GRIA4: variants seen among roughly 807,000 people sequenced by gnomAD.
The protein encoded by GRIA4 is glutamate receptor 4.
GRIA4 carries 34 observed loss-of-function variants against 104.0 expected under a neutral mutation model. The ratio of observed to expected loss-of-function variants is 0.33; its 90% CI spans 0.25 to 0.44. The LOEUF (loss-of-function observed/expected upper bound fraction) is 0.44, where lower values mean the gene tolerates loss of function less well. Among genes scored for constraint, GRIA4 ranks in the 20% least tolerant of loss-of-function variants. GRIA4 has a pLI of 1.00. For synonymous variants in GRIA4, 386 were observed against 381.9 expected (o/e 1.01, Z -0.13); for missense variants, 750 against 1,096.5 (o/e 0.68, Z 4.46).
At chr11:105,681,087 G>C (rs1952695164) in intron 3 of GRIA4, among the ~76,000 whole-genome samples, 1 of 152,180 alleles carries the variant, frequency 6.6e-6, no homozygotes, top group South Asian at 2.1e-4. Context: ...GGAGTCTCCA[G>C]TGAGACCTGA....
chr11:105,950,608 T>C (rs1202852097), intron 14 of GRIA4, among the ~76,000 whole-genome samples: 1 of 152,202 alleles, frequency 6.6e-6, no homozygotes, highest in Non-Finnish European at 1.5e-5. Flanking sequence ...AATCAAGTCA[T>C]TTCATATAGA....
intron 3 of GRIA4, among the ~76,000 whole-genome samples, chr11:105,708,900 G>A (rs1267067892): frequency 6.6e-6 from 1 of 152,054 alleles, no homozygotes; most frequent in Non-Finnish European, 1.5e-5. Flanking sequence ...TGAAGTAAAT[G>A]TAGTAAATGA....
Position 105,974,304 on chromosome 11 carries a change from C to T in GRIA4, c.2410-6C>T, listed in dbSNP as rs1246319057. ...CAGTTAACTGAAGTGTCTTTATCCC[C>T]CCTAGGACAAGACGAGTGCCTTGAG... On this transcript the variant is annotated splice_region_variant and splice_polypyrimidine_tract_variant and intron_variant, in intron 15 of 16. Coordinates refer to ENST00000282499, the MANE Select transcript of GRIA4 (RefSeq NM_000829.4). The T allele has an allele frequency of 1.2e-6, 2 of 1,613,360 alleles. No homozygotes were observed. Among genetic ancestry groups the T allele is most frequent in the Non-Finnish European group, 1.7e-6 (2 of 1,179,480 alleles).
At position 105,787,472 on chromosome 11, in the gene GRIA4, C is replaced by CTTTTTT. The variant is rs67901321; in HGVS notation, c.487+34268_487+34273dup. On this transcript the variant is annotated intron_variant, in intron 4 of 16. Transcript: ENST00000282499. ...GCAGTCTAAAAGATGTAAAGAATTC[C>CTTTTTT]TTTTTTTTTTTTTTTTTTTTTGAGA... Among the ~76,000 whole-genome samples the CTTTTTT allele has an allele frequency of 2.4e-4, 24 of 98,614 alleles. 1 individual carries two copies. Among genetic ancestry groups the CTTTTTT allele is most frequent in the African/African-American group, 6.0e-4 (15 of 24,902 alleles). The allele number at this position is 98,614 out of a possible 152,430, so 64.7% of individuals were successfully genotyped here.
At chr11:105,836,715 G>T (rs1944201306) in intron 4 of GRIA4, among the ~76,000 whole-genome samples, 1 of 152,066 alleles carries the variant, frequency 6.6e-6, no homozygotes, top group South Asian at 2.1e-4. Context: ...GCCCAGAACT[G>T]TTCTTTTTAA....
At chr11:105,803,598 G>A (rs994410605) in intron 4 of GRIA4, among the ~76,000 whole-genome samples, 3 of 151,844 alleles carry the variant, frequency 2.0e-5, no homozygotes, top group Non-Finnish European at 2.9e-5. Context: ...AGGCTCTTCT[G>A]AGAAATATTT....
chr11:105,664,655 T>C (rs1952112313), intron 3 of GRIA4, among the ~76,000 whole-genome samples: 1 of 151,950 alleles, frequency 6.6e-6, no homozygotes, highest in African/African-American at 2.4e-5. Flanking sequence ...ACAAATCTTA[T>C]TTTTTTAAAC....
chr11:105,919,245 T>C (rs543526282), intron 11 of GRIA4, among the ~76,000 whole-genome samples: 44 of 152,228 alleles, frequency 2.9e-4, no homozygotes, highest in South Asian at 6.2e-4. Context: ...ACAAATATAA[T>C]AGTAATCTTG....
chr11:105,808,225 A>G (rs1205936500), intron 4 of GRIA4, among the ~76,000 whole-genome samples: 2 of 151,944 alleles, frequency 1.3e-5, no homozygotes, highest in Non-Finnish European at 2.9e-5. Flanking sequence ...TTGAAGGGCT[A>G]CTTTAAAACA....
chr11:105,840,523 T>C (rs1380690279), intron 4 of GRIA4, among the ~76,000 whole-genome samples: 2 of 152,168 alleles, frequency 1.3e-5, no homozygotes, highest in African/African-American at 4.8e-5. Context: ...TCCAAATATA[T>C]CTGCAGTATG....
chr11:105,791,497 C>T (rs1367793373), intron 4 of GRIA4, among the ~76,000 whole-genome samples: 6 of 152,102 alleles, frequency 3.9e-5, no homozygotes, highest in Non-Finnish European at 5.9e-5. Context: ...CCATATTCAT[C>T]GTTAATGAAG....
intron 3 of GRIA4, among the ~76,000 whole-genome samples, chr11:105,629,441 A>G (rs910790596): frequency 1.3e-5 from 2 of 152,036 alleles, no homozygotes; most frequent in African/African-American, 4.8e-5. Context: ...TTTTTAACAT[A>G]TGGGAAATAT....
chr11:105,724,894 T>G (rs1938097774), intron 3 of GRIA4, among the ~76,000 whole-genome samples: 2 of 151,910 alleles, frequency 1.3e-5, no homozygotes, highest in Admixed American at 1.3e-4. Context: ...AAAAAAACAT[T>G]GTTTGATTAC....
chr11:105,759,894 G>C (rs1940522287), intron 4 of GRIA4, among the ~76,000 whole-genome samples: 1 of 151,890 alleles, frequency 6.6e-6, no homozygotes, highest in Non-Finnish European at 1.5e-5. Context: ...TCATCATCAG[G>C]CTTTTTAAGA....
intron 4 of GRIA4, among the ~76,000 whole-genome samples, chr11:105,789,783 A>G (rs1942134458): frequency 2.0e-5 from 3 of 152,208 alleles, no homozygotes; most frequent in African/African-American, 7.2e-5. Context: ...AAGCTTACAT[A>G]AGCACATTCT....
At chr11:105,773,289 A>G (rs1456022871) in intron 4 of GRIA4, among the ~76,000 whole-genome samples, 2 of 152,136 alleles carry the variant, frequency 1.3e-5, no homozygotes, top group African/African-American at 4.8e-5. Context: ...AATGGTTCCA[A>G]CCAAGGGGTT....
At chr11:105,741,574 A>G (rs1939308901) in intron 3 of GRIA4, among the ~76,000 whole-genome samples, 1 of 152,140 alleles carries the variant, frequency 6.6e-6, no homozygotes, top group African/African-American at 2.4e-5. Context: ...TTGTTGGGGA[A>G]GCCAAGAGAG....
At chr11:105,648,500 A>G (rs1055108830) in intron 3 of GRIA4, among the ~76,000 whole-genome samples, 1 of 151,700 alleles carries the variant, frequency 6.6e-6, no homozygotes, top group Non-Finnish European at 1.5e-5. Context: ...ACCAATTTGA[A>G]TGCCTCAAAG....
chr11:105,774,400 CTT>C (rs1182479287), intron 4 of GRIA4, among the ~76,000 whole-genome samples: 1 of 151,336 alleles, frequency 6.6e-6, no homozygotes, highest in Non-Finnish European at 1.5e-5. Context: ...AAAAACAGCA[CTT>C]AAGATTTCTA....
Sources: allele counts gnomAD v4.1 joint callset (sites outside exome capture counted in the v4.1 genomes callset), GRCh38; gene constraint gnomAD v4.1.1; transcripts MANE v1.5; gene names NCBI Gene and HGNC (gene_info 2026-07-23, HGNC 2026-07-21).